Variants in RORA observed in about 807,000 individuals in gnomAD.
RORA encodes the protein RAR related orphan receptor A.
A neutral mutation model predicts 69.5 loss-of-function variants in RORA; 7 were observed. The ratio of observed to expected loss-of-function variants is 0.10; its 90% confidence interval spans 0.06 to 0.19. The LOEUF (loss-of-function observed/expected upper bound fraction) is 0.19. RORA is among the 10% of genes least tolerant of loss of function. RORA has a pLI of 1.00. For synonymous variants in RORA, 261 were observed against 240.8 expected, an observed-to-expected ratio of 1.08 and a Z score of -0.78; for missense variants, 457 against 663.0, an observed-to-expected ratio of 0.69 and a Z score of 3.41.
At chr15:60,862,301 C>G (rs2073442119) in intron 1 of RORA, among the ~76,000 whole-genome samples, 1 of 152,196 alleles carries the variant, frequency 6.6e-6, no homozygotes, top group South Asian at 2.1e-4. Flanking sequence ...GAGGAAAAAG[C>G]TAAGGGAATC....
chr15:60,896,124 G>A (rs1225639672), intron 1 of RORA, among the ~76,000 whole-genome samples: 1 of 152,194 alleles, frequency 6.6e-6, no homozygotes, highest in Non-Finnish European at 1.5e-5. Flanking sequence ...TTCATTAAGT[G>A]AGTGTTCAGA....
Position 60,627,095 on chromosome 15 carries a change from C to T in RORA, c.196+51562G>A. The stretch of plus-strand genomic sequence containing the variant: ...TCATTCCTCTGTGGCTGAAGGGTAA[C>T]AGTCCTCATGGGCTTCATCTTTTCC... On this transcript the variant is annotated intron_variant, in intron 2 of 10. Transcript: ENST00000335670. 4.0e-6 allele frequency: 3 copies of T among 743,594 alleles called. No homozygotes were observed. In the East Asian group the frequency reaches 8.1e-5, roughly 20 times the overall value. The allele number at this position is 743,594 out of a possible 1,614,324, so 46.1% of individuals were successfully genotyped here.
At chr15:61,210,032 G>C (rs79657853) in intron 1 of RORA, among the ~76,000 whole-genome samples, 1 of 152,168 alleles carries the variant, frequency 6.6e-6, no homozygotes, top group Non-Finnish European at 1.5e-5. Flanking sequence ...TGCCTGTCTC[G>C]AAACTGCTTC....
chr15:60,823,669 GCA>G (rs1206759080), intron 1 of RORA, among the ~76,000 whole-genome samples: 1 of 152,178 alleles, frequency 6.6e-6, no homozygotes, highest in African/African-American at 2.4e-5. Context: ...TATGTAATAG[GCA>G]CTTTATCTTC....
At chr15:61,036,785 G>C (rs1445277619) in intron 1 of RORA, among the ~76,000 whole-genome samples, 1 of 130,288 alleles carries the variant, frequency 7.7e-6, no homozygotes, top group Non-Finnish European at 1.7e-5. Context: ...TAAAGTTGTA[G>C]TATTGGACTC....
rs533710842 is a variant in RORA at position 60,922,402 on chromosome 15, G to A, written c.167-243716C>T. Among the ~76,000 whole-genome samples, 243 of 152,066 alleles carry A rather than the reference G, an allele frequency of 1.6e-3. 1 individual carries two copies. The highest frequency in any genetic ancestry group is 5.6e-3 in the African/African-American group (231 of 41,480). On this transcript the variant is annotated intron_variant, in intron 1 of 10. Transcript: ENST00000335670. ...TGGGGGATATTCATAGTGGGAGAGT[G>A]GGGGGAAGGGGTATGTGGAAGCTCT... is the stretch of plus-strand genomic sequence containing the variant.
At chr15:60,538,301 C>T (rs996160646) in intron 2 of RORA, among the ~76,000 whole-genome samples, 1 of 152,120 alleles carries the variant, frequency 6.6e-6, no homozygotes, top group Non-Finnish European at 1.5e-5. Context: ...CCCTGGGTGG[C>T]CTCAAGCAAT....
At position 60,905,629 on chromosome 15, in the gene RORA, A is replaced by G. The variant is rs890629374; in HGVS notation, c.167-226943T>C. Among the ~76,000 whole-genome samples the G allele has an allele frequency of 8.5e-5, 13 of 152,210 alleles. No homozygotes were observed. Among genetic ancestry groups the G allele is most frequent in the Non-Finnish European group, 1.9e-4 (13 of 68,046 alleles). ...TAATAAATAGCTCTAAAAGTGAAGG[A>G]AGTGATAAAGCCCTCAAGAGCGTCT... On this transcript the variant is annotated intron_variant, in intron 1 of 10. Transcript: ENST00000335670. This position sits in a 1 kb window ranked among gnomAD's most constrained non-coding sequence, Gnocchi z 4.8.
intron 1 of RORA, among the ~76,000 whole-genome samples, chr15:60,963,801 A>G (rs974731800): frequency 2.0e-5 from 3 of 152,232 alleles, no homozygotes; most frequent in African/African-American, 7.2e-5. Context: ...GCTAACATGA[A>G]CAAGCTCAGG....
At chr15:60,565,241 A>C (rs2067683245) in intron 2 of RORA, among the ~76,000 whole-genome samples, 1 of 152,064 alleles carries the variant, frequency 6.6e-6, no homozygotes, top group Non-Finnish European at 1.5e-5. Flanking sequence ...TTCTTTTTAC[A>C]TTTTTTGGTT....
chr15:61,049,160 C>T (rs1024804182), intron 1 of RORA, among the ~76,000 whole-genome samples: 1 of 152,128 alleles, frequency 6.6e-6, no homozygotes, highest in Non-Finnish European at 1.5e-5. Context: ...CTCTTGTTGT[C>T]GTCAAAAGCA....
chr15:61,091,084 C>T (rs758886415), intron 1 of RORA, among the ~76,000 whole-genome samples: 11 of 152,082 alleles, frequency 7.2e-5, no homozygotes, highest in East Asian at 1.9e-4. Context: ...AATGCTTTTC[C>T]GGTTAACATC....
intron 1 of RORA, among the ~76,000 whole-genome samples, chr15:60,871,335 C>A (rs1475749797): frequency 6.6e-6 from 1 of 152,124 alleles, no homozygotes; most frequent in Non-Finnish European, 1.5e-5. Flanking sequence ...ATTTGGAGTT[C>A]AGCCTACAAG....
intron 1 of RORA, among the ~76,000 whole-genome samples, chr15:61,123,206 G>C (rs1228629019): frequency 6.6e-6 from 1 of 152,044 alleles, no homozygotes; most frequent in Non-Finnish European, 1.5e-5. Flanking sequence ...CCTGTTCTCA[G>C]GGCGGTGGGT....
chr15:60,764,943 G>A (rs909859635), intron 1 of RORA: 1 of 151,924 alleles, frequency 6.6e-6, no homozygotes, highest in African/African-American at 2.4e-5. Flanking sequence ...CCTGGAACCA[G>A]AAGCCTGTCC....
At chr15:61,154,856 T>A (rs748128764) in intron 1 of RORA, among the ~76,000 whole-genome samples, 3 of 151,810 alleles carry the variant, frequency 2.0e-5, no homozygotes, top group Non-Finnish European at 2.9e-5. Flanking sequence ...GAATAGAGAG[T>A]GGGCTGAGAA....
At chr15:60,597,568 A>ATG (rs1279373214) in intron 2 of RORA, among the ~76,000 whole-genome samples, 1 of 30,332 alleles carries the variant, frequency 3.3e-5, no homozygotes, top group Non-Finnish European at 5.4e-5. Flanking sequence ...ATATATATAT[A>ATG]TATATACACA....
intron 1 of RORA, among the ~76,000 whole-genome samples, chr15:61,097,139 C>G (rs1262789316): frequency 1.3e-5 from 2 of 152,000 alleles, no homozygotes; most frequent in Non-Finnish European, 2.9e-5. Context: ...TCCGATGGGG[C>G]AGACTGTGGA....
At chr15:61,018,499 G>C (rs1895383506) in intron 1 of RORA, among the ~76,000 whole-genome samples, 1 of 152,188 alleles carries the variant, frequency 6.6e-6, no homozygotes, top group South Asian at 2.1e-4. Flanking sequence ...GGGAGCGTAT[G>C]TGTATGTGTA....
Sources: gnomAD v4.1 joint callset for allele counts (sites outside exome capture counted in the v4.1 genomes callset) on GRCh38, gnomAD v4.1.1 for gene constraint, Gnocchi (gnomAD v3.1) non-coding constraint, MANE v1.5 for transcripts, NCBI Gene and HGNC (gene_info 2026-07-23, HGNC 2026-07-21) for gene names.